ST8SIA1: variants seen among roughly 807,000 people sequenced by gnomAD.
ST8SIA1 encodes ST8 alpha-N-acetyl-neuraminide alpha-2,8-sialyltransferase 1.
In ST8SIA1, 16 loss-of-function variants were observed where a neutral mutation model predicts 35.9. That is an observed-to-expected ratio of 0.45 (90% confidence interval 0.30 to 0.68). The LOEUF (loss-of-function observed/expected upper bound fraction) is 0.68, where lower values mean the gene tolerates loss of function less well. ST8SIA1 is among the 30% of genes least tolerant of loss of function. ST8SIA1 has a pLI of 0.09. For synonymous variants in ST8SIA1, 170 were observed against 169.6 expected (o/e 1.00, Z -0.02); for missense variants, 383 against 453.6 (o/e 0.84, Z 1.41).
intron 1 of ST8SIA1, among the ~76,000 whole-genome samples, chr12:22,289,619 G>C (rs1053124522): frequency 6.6e-6 from 1 of 152,126 alleles, no homozygotes; most frequent in Non-Finnish European, 1.5e-5. Context: ...CTCAGGTCAC[G>C]TAACTAGGGA....
intron 4 of ST8SIA1, chr12:22,223,848 G>A (rs2120669363): frequency 5.4e-6 from 6 of 1,119,076 alleles, no homozygotes; most frequent in South Asian, 3.8e-5. Context: ...ACAATAGAAT[G>A]TTTCTAATTG....
chr12:22,255,379 A>T lies in ST8SIA1; in HGVS notation c.392T>A (p.Phe131Tyr). The change falls in exon 3 of 5, where the codon TTC (phenylalanine) becomes TAC (tyrosine). Residue 131 changes from phenylalanine (F) to tyrosine (Y), a missense_variant. Physicochemically the swap from Phe to Tyr is conservative, Grantham distance 22 (BLOSUM62 3). Coordinates refer to ENST00000396037, the MANE Select transcript of ST8SIA1 (RefSeq NM_003034.4). ...CGCGCATTTCTTCAATGGCAGCTGGAATGGGGTTGCCTAGCAACAGAAAAC... is the reference window on the plus strand; with the variant it reads ...CGCGCATTTCTTCAATGGCAGCTGGTATGGGGTTGCCTAGCAACAGAAAAC... Reference protein sequence around the residue: ...TYSLFPQATPFQLPLKKCAVV... With the variant: ...TYSLFPQATPYQLPLKKCAVV... 1 of 1,614,130 alleles carries T rather than the reference A, an allele frequency of 6.2e-7. No individual in the cohort carries two copies. The highest frequency in any genetic ancestry group is 8.5e-7 in the Non-Finnish European group (1 of 1,179,970).
At chr12:22,241,880 C>T (rs375112833) in intron 4 of ST8SIA1, among the ~76,000 whole-genome samples, 4 of 152,038 alleles carry the variant, frequency 2.6e-5, no homozygotes, top group African/African-American at 9.7e-5. Flanking sequence ...CCTCCTCCCC[C>T]CCATAAACTT....
chr12:22,242,475 G>C (rs2120731445), intron 4 of ST8SIA1, among the ~76,000 whole-genome samples: 1 of 152,256 alleles, frequency 6.6e-6, no homozygotes, highest in South Asian at 2.1e-4. Context: ...TAAAGCATAT[G>C]TATATAATGC....
Position 22,201,567 on chromosome 12 carries a change from G to C in ST8SIA1, c.1056C>G (p.Leu352=), listed in dbSNP as rs748950153. 6.2e-7 allele frequency: 1 copy of C among 1,609,734 alleles called. No individual in the cohort carries two copies. Among genetic ancestry groups the C allele is most frequent in the East Asian group, 2.2e-5 (1 of 44,874 alleles). ...MQLDPCEDTS[L]QPTS Reference sequence around the variant, plus strand: ...TCCATTGTTCCTAGGAAGTGGGCTGGAGTGAGGTATCTTCACATGGGTCCA... The same window carrying C: ...TCCATTGTTCCTAGGAAGTGGGCTGCAGTGAGGTATCTTCACATGGGTCCA... The change falls in exon 5 of 5, where the codon CTC becomes CTG. Residue 352 remains leucine, a synonymous_variant. Transcript: ENST00000396037.
intron 1 of ST8SIA1, among the ~76,000 whole-genome samples, chr12:22,290,358 C>G (rs1241380066): frequency 1.3e-5 from 2 of 152,128 alleles, no homozygotes; most frequent in Non-Finnish European, 2.9e-5. Context: ...GCAGCAAAAA[C>G]AGGAATAGTA....
chr12:22,321,042 G>GAAAGA (rs147820055), intron 1 of ST8SIA1, among the ~76,000 whole-genome samples: 84 of 49,116 alleles, frequency 1.7e-3, no homozygotes, highest in African/African-American at 8.3e-3. Context: ...AAGAGAAAGA[G>GAAAGA]AAAGAAAAGA....
At chr12:22,221,296 G>A (rs540785773) in intron 4 of ST8SIA1, among the ~76,000 whole-genome samples, 4 of 152,236 alleles carry the variant, frequency 2.6e-5, no homozygotes, top group South Asian at 2.1e-4. Flanking sequence ...GAAGCAAAAG[G>A]ACAAGAGGAA....
At chr12:22,329,351 G>A (rs1280084294) in intron 1 of ST8SIA1, among the ~76,000 whole-genome samples, 2 of 149,994 alleles carry the variant, frequency 1.3e-5, no homozygotes, top group African/African-American at 4.9e-5. Flanking sequence ...TTGCTTTGGG[G>A]AAAAAAAAAC....
Position 22,200,995 on chromosome 12 carries a change from A to G in ST8SIA1, c.*557T>C, listed in dbSNP as rs1397116181. 1 of 152,230 alleles carries G rather than the reference A, an allele frequency of 6.6e-6. No homozygotes were observed. Among genetic ancestry groups the G allele is most frequent in the East Asian group, 1.9e-4 (1 of 5,202 alleles). 9.4% of individuals were successfully genotyped at this position (152,230 alleles called of 1,614,324 possible). ...TAATATAGACGTGGCTCAACAAATC[A>G]CAATTATCAGCAGTAACATTTTGTA... On this transcript the variant is annotated 3_prime_UTR_variant, in exon 5 of 5. Transcript: ENST00000396037.
intron 2 of ST8SIA1, among the ~76,000 whole-genome samples, chr12:22,280,465 G>A (rs1866019696): frequency 6.6e-6 from 1 of 152,108 alleles, no homozygotes; most frequent in Non-Finnish European, 1.5e-5. Flanking sequence ...GGTAATTGGT[G>A]TCATGAATTC....
rs66861803 is a variant in ST8SIA1 at position 22,195,212 on chromosome 12, A to AAAAG, written c.*6339_*6340insCTTT. 1.5e-3 allele frequency: 191 copies of AAAAG among 127,174 alleles called. 1 individual carries two copies. Among genetic ancestry groups the AAAAG allele is most frequent in the Non-Finnish European group, 2.3e-3 (138 of 59,124 alleles). 7.9% of individuals were successfully genotyped at this position (127,174 alleles called of 1,614,324 possible). A position where few individuals can be genotyped will look rare whatever the true frequency, so the allele number is the denominator to read the frequency against. On this transcript the variant is annotated 3_prime_UTR_variant, in exon 5 of 5. Coordinates refer to ENST00000396037, the MANE Select transcript of ST8SIA1 (RefSeq NM_003034.4). ...ACAAAAAAAAAAAAAAAAAAAAAAAAGAAAGAAAGAAAGAAAGGAAAAAGA... is the reference window on the plus strand; with the variant it reads ...ACAAAAAAAAAAAAAAAAAAAAAAAAAAAGGAAAGAAAGAAAGAAAGGAAAAAGA...
At chr12:22,221,126 CA>C (rs1162844855) in intron 4 of ST8SIA1, among the ~76,000 whole-genome samples, 1 of 152,108 alleles carries the variant, frequency 6.6e-6, no homozygotes, top group Admixed American at 6.5e-5. Context: ...CCTAGGCCAC[CA>C]GTCTCCTTGG....
Position 22,334,355 on chromosome 12 carries a change from A to AACGC in ST8SIA1, c.-127_-124dup, listed in dbSNP as rs1866818289. The AACGC allele has an allele frequency of 2.8e-6, 2 of 704,270 alleles. No individual in the cohort carries two copies. Among genetic ancestry groups the AACGC allele is most frequent in the Admixed American group, 2.9e-5 (1 of 34,754 alleles). 43.6% of individuals were successfully genotyped at this position (704,270 alleles called of 1,614,324 possible). A position where few individuals can be genotyped will look rare whatever the true frequency, so the allele number is the denominator to read the frequency against. ...CACACCTTTGGTTCTCTTACTTGCA[A>AACGC]ACGCACGCACGCTTCTTCGGCCCCG... On this transcript the variant is annotated 5_prime_UTR_variant, in exon 1 of 5. Coordinates refer to ENST00000396037, the MANE Select transcript of ST8SIA1 (RefSeq NM_003034.4).
At chr12:22,331,527 T>C (rs1410527871) in intron 1 of ST8SIA1, among the ~76,000 whole-genome samples, 1 of 152,212 alleles carries the variant, frequency 6.6e-6, no homozygotes, top group African/African-American at 2.4e-5. Context: ...TCTGTATTTA[T>C]GCAGAAGATG....
chr12:22,289,299 T>C (rs1565587919), intron 1 of ST8SIA1, among the ~76,000 whole-genome samples: 1 of 134,400 alleles, frequency 7.4e-6, no homozygotes, highest in Non-Finnish European at 1.6e-5. Context: ...TTATTATTAT[T>C]ATTATCATCA....
chr12:22,261,904 A>C (rs977247187), intron 2 of ST8SIA1, among the ~76,000 whole-genome samples: 2 of 152,210 alleles, frequency 1.3e-5, no homozygotes, highest in Non-Finnish European at 2.9e-5. Context: ...GATGCTGAAA[A>C]TGTGATGGTG....
At chr12:22,244,928 T>C (rs968928948) in intron 4 of ST8SIA1, among the ~76,000 whole-genome samples, 2 of 152,222 alleles carry the variant, frequency 1.3e-5, no homozygotes, top group African/African-American at 4.8e-5. Flanking sequence ...AAATATGACA[T>C]CTGTCATATA....
intron 4 of ST8SIA1, among the ~76,000 whole-genome samples, chr12:22,232,077 C>A (rs1305862553): frequency 6.6e-6 from 1 of 152,180 alleles, no homozygotes; most frequent in African/African-American, 2.4e-5. Flanking sequence ...CCCCTTTCAG[C>A]CTCCCATAGT....
Sources: allele counts gnomAD v4.1 joint callset (sites outside exome capture counted in the v4.1 genomes callset), GRCh38; gene constraint gnomAD v4.1.1; transcripts MANE v1.5; gene names NCBI Gene and HGNC (gene_info 2026-07-23, HGNC 2026-07-21).